Variants in USP34 observed in about 807,000 individuals in gnomAD.
The protein encoded by USP34 is ubiquitin carboxyl-terminal hydrolase 34.
In USP34, 70 loss-of-function variants were observed where a neutral mutation model predicts 460.3. The observed-to-expected ratio is 0.15, with a 90% CI of 0.13 to 0.19. The LOEUF is 0.19. USP34 is among the 10% of genes least tolerant of loss of function. The pLI is 1.00. For missense variants in USP34, 3,985 were observed against 4,236.2 expected, an observed-to-expected ratio of 0.94 and a Z score of 1.65; for synonymous variants, 1,647 against 1,405.3, an observed-to-expected ratio of 1.17 and a Z score of -3.85.
intron 5 of USP34, among the ~76,000 whole-genome samples, chr2:61,385,641 C>T (rs1275392040): frequency 3.0e-5 from 4 of 133,934 alleles, no homozygotes; most frequent in East Asian, 2.2e-4. Flanking sequence ...CACTGCACTC[C>T]AGCCTGGGCA....
At chr2:61,463,047 T>C (rs1043530818) in intron 1 of USP34, among the ~76,000 whole-genome samples, 1 of 151,698 alleles carries the variant, frequency 6.6e-6, no homozygotes, top group African/African-American at 2.4e-5. Flanking sequence ...GGGAAAAAAA[T>C]TCCAACTTTA....
intron 33 of USP34, among the ~76,000 whole-genome samples, chr2:61,292,954 TAAAGTATTATAAAATACAGC>T (rs1689908033): frequency 6.6e-6 from 1 of 152,154 alleles, no homozygotes. Flanking sequence ...AATACTTTTG[TAAAGTATTATAAAATACAGC>T]AACAATGTCT....
intron 76 of USP34, 128 bp from the exon 77 acceptor site, chr2:61,190,786 G>T: frequency 8.6e-7 from 1 of 1,160,822 alleles, no homozygotes; most frequent in East Asian, 2.5e-5. Flanking sequence ...AATCCTACTT[G>T]AAAAGCCATG....
chr2:61,426,392 A>G (rs1694511831), intron 1 of USP34, among the ~76,000 whole-genome samples: 1 of 152,030 alleles, frequency 6.6e-6, no homozygotes, highest in African/African-American at 2.4e-5. Context: ...GTCCCAGGTA[A>G]CAGAGCGTTC....
intron 27 of USP34, among the ~76,000 whole-genome samples, chr2:61,306,569 A>G (rs1324733381): frequency 6.6e-6 from 1 of 152,148 alleles, no homozygotes; most frequent in Admixed American, 6.5e-5. Flanking sequence ...TTTTGGTTTC[A>G]TATGAACTTT....
At chr2:61,417,574 AAAG>A (rs1291472307) in intron 2 of USP34, among the ~76,000 whole-genome samples, 4 of 152,116 alleles carry the variant, frequency 2.6e-5, no homozygotes, top group Non-Finnish European at 2.9e-5. Flanking sequence ...TGGATATACA[AAAG>A]AAGTTGTAAG....
chr2:61,344,304 C>T (rs1691694511), intron 15 of USP34, among the ~76,000 whole-genome samples: 1 of 152,178 alleles, frequency 6.6e-6, no homozygotes, highest in Non-Finnish European at 1.5e-5. Flanking sequence ...ATCACTAATA[C>T]TCACTGTTTA....
chr2:61,205,650 A>C (rs1687097832), intron 72 of USP34, among the ~76,000 whole-genome samples: 1 of 152,246 alleles, frequency 6.6e-6, no homozygotes, highest in African/African-American at 2.4e-5. Flanking sequence ...AAGTATCTTT[A>C]GGCAAAAGAA....
chr2:61,192,848 C>T, intron 76 of USP34, 53 bp downstream of exon 76: 2 of 1,480,038 alleles, frequency 1.4e-6, no homozygotes, highest in South Asian at 1.2e-5. Flanking sequence ...AAATTATTGA[C>T]CACTTGGTCA....
chr2:61,463,115 T>C (rs183315969), intron 1 of USP34, among the ~76,000 whole-genome samples: 27 of 152,300 alleles, frequency 1.8e-4, no homozygotes, highest in South Asian at 1.0e-3. Flanking sequence ...TATATACTCA[T>C]AGTATCTAAA....
intron 8 of USP34, among the ~76,000 whole-genome samples, chr2:61,373,335 G>T (rs762769643): frequency 6.7e-6 from 1 of 149,600 alleles, no homozygotes; most frequent in Non-Finnish European, 1.5e-5. Flanking sequence ...AGTGAATTAA[G>T]AACTCTAATC....
chr2:61,360,353 C>T (rs577835635), intron 10 of USP34, among the ~76,000 whole-genome samples: 1 of 152,216 alleles, frequency 6.6e-6, no homozygotes, highest in African/African-American at 2.4e-5. Flanking sequence ...AGTAAAGCTG[C>T]TGGATCCAAG....
chr2:61,242,703 G>A (rs572675589), intron 51 of USP34, among the ~76,000 whole-genome samples: 1 of 152,158 alleles, frequency 6.6e-6, no homozygotes, highest in Non-Finnish European at 1.5e-5. Context: ...TGAGTAAGGA[G>A]ACGAGGATTC....
chr2:61,413,929 CAAAAAAATT>C (rs1236462614), intron 2 of USP34, among the ~76,000 whole-genome samples: 56 of 143,390 alleles, frequency 3.9e-4, no homozygotes, highest in African/African-American at 7.0e-4. Context: ...GACTCAGTCT[CAAAAAAATT>C]AAAAAAATTA....
intron 51 of USP34, among the ~76,000 whole-genome samples, chr2:61,244,512 G>A (rs1397611768): frequency 6.6e-6 from 1 of 151,898 alleles, no homozygotes; most frequent in Non-Finnish European, 1.5e-5. Context: ...CTACTCCCGA[G>A]GCTGAGACTC....
intron 1 of USP34, among the ~76,000 whole-genome samples, chr2:61,437,419 A>C (rs1483306321): frequency 6.6e-6 from 1 of 152,174 alleles, no homozygotes; most frequent in Non-Finnish European, 1.5e-5. Flanking sequence ...TAAATTTAAA[A>C]ACCTAGAGGA....
At chr2:61,396,368 C>A (rs1044491139) in intron 3 of USP34, among the ~76,000 whole-genome samples, 2 of 152,108 alleles carry the variant, frequency 1.3e-5, no homozygotes, top group Non-Finnish European at 2.9e-5. Context: ...GCTTTTTGTT[C>A]TAAGGAACTA....
At chr2:61,237,838 T>C (rs1255698373) in intron 53 of USP34, among the ~76,000 whole-genome samples, 1 of 151,658 alleles carries the variant, frequency 6.6e-6, no homozygotes, top group African/African-American at 2.4e-5. Flanking sequence ...CCAAAGTGCT[T>C]AGATTACAGG....
chr2:61,266,526 C>T (rs1689051483), intron 41 of USP34, among the ~76,000 whole-genome samples: 1 of 152,198 alleles, frequency 6.6e-6, no homozygotes, highest in Non-Finnish European at 1.5e-5. Flanking sequence ...CTTCACTCTA[C>T]TAATAAATAA....
Sources: allele counts gnomAD v4.1 joint callset (sites outside exome capture counted in the v4.1 genomes callset), GRCh38; gene constraint gnomAD v4.1.1; transcripts MANE v1.5; gene names NCBI Gene and HGNC (gene_info 2026-07-23, HGNC 2026-07-21).